GRID1: variants seen among roughly 807,000 people sequenced by gnomAD.
GRID1 encodes the protein glutamate receptor ionotropic, delta-1.
A neutral mutation model predicts 98.0 loss-of-function variants in GRID1; 28 were observed. That is an observed-to-expected ratio of 0.29 (90% confidence interval 0.21 to 0.39). The LOEUF (loss-of-function observed/expected upper bound fraction) is 0.39. Ranked by LOEUF, GRID1 falls within the 10% of genes least tolerant of loss-of-function variation. The pLI is 1.00. For synonymous variants in GRID1, 553 were observed against 538.5 expected (o/e 1.03, Z -0.37); for missense variants, 1,111 against 1,340.5 (o/e 0.83, Z 2.67).
intron 2 of GRID1, among the ~76,000 whole-genome samples, chr10:86,215,954 C>T (rs149823991): frequency 4.7e-4 from 71 of 152,368 alleles, no homozygotes; most frequent in African/African-American, 1.5e-3. Flanking sequence ...CCAACCTTCA[C>T]GTGCCCCATG....
At chr10:85,827,359 C>T (rs780928543) in intron 8 of GRID1, among the ~76,000 whole-genome samples, 1 of 151,892 alleles carries the variant, frequency 6.6e-6, no homozygotes, top group Non-Finnish European at 1.5e-5. Context: ...GCAGAATTGA[C>T]CAAGCTGAGG....
chr10:85,724,807 G>T (rs1841744388), intron 10 of GRID1, 131 bp from the exon 11 acceptor site: 1 of 638,792 alleles, frequency 1.6e-6, no homozygotes, highest in African/African-American at 1.8e-5. Context: ...CTGGCACCCT[G>T]AGAGTCTGAA....
chr10:86,149,169 G>A (rs1036630250), intron 3 of GRID1, among the ~76,000 whole-genome samples: 2 of 152,188 alleles, frequency 1.3e-5, no homozygotes, highest in African/African-American at 4.8e-5. Flanking sequence ...AACTAAAAAG[G>A]TCATCTCTCC....
At chr10:85,672,253 T>A (rs1282513166) in intron 12 of GRID1, among the ~76,000 whole-genome samples, 1 of 152,250 alleles carries the variant, frequency 6.6e-6, no homozygotes, top group Non-Finnish European at 1.5e-5. Context: ...TTGAAACTAA[T>A]GCTCAGCAAC....
At chr10:85,996,856 G>A (rs534837881) in intron 4 of GRID1, among the ~76,000 whole-genome samples, 68 of 147,846 alleles carry the variant, frequency 4.6e-4, no homozygotes, top group Admixed American at 3.6e-3. Flanking sequence ...AAGAAAGAAA[G>A]AAAAGAAAAG....
chr10:86,178,794 G>A (rs766265007), intron 3 of GRID1, among the ~76,000 whole-genome samples: 17 of 152,022 alleles, frequency 1.1e-4, no homozygotes, highest in Admixed American at 2.6e-4. Context: ...TGCTTGATTC[G>A]GAGTGAGACC....
At chr10:86,073,520 G>C (rs1298263038) in intron 4 of GRID1, among the ~76,000 whole-genome samples, 2 of 152,202 alleles carry the variant, frequency 1.3e-5, no homozygotes, top group Non-Finnish European at 2.9e-5. Context: ...CCTGGAAACA[G>C]GGTTTGCTAG....
intron 4 of GRID1, among the ~76,000 whole-genome samples, chr10:86,055,405 G>C (rs1843558859): frequency 6.6e-6 from 1 of 152,108 alleles, no homozygotes; most frequent in African/African-American, 2.4e-5. Flanking sequence ...TGTAGCCTGT[G>C]AGAGATAGTT....
intron 4 of GRID1, among the ~76,000 whole-genome samples, chr10:85,966,083 G>A (rs1416325956): frequency 6.6e-6 from 1 of 152,178 alleles, no homozygotes; most frequent in Non-Finnish European, 1.5e-5. Flanking sequence ...AATTTGACGT[G>A]TTTCCTGGAA....
At chr10:86,143,125 G>A (rs1845033152) in intron 3 of GRID1, among the ~76,000 whole-genome samples, 2 of 152,162 alleles carry the variant, frequency 1.3e-5, no homozygotes, top group Non-Finnish European at 2.9e-5. Context: ...GCTGGCTGAA[G>A]CCAGTGTTCC....
intron 2 of GRID1, among the ~76,000 whole-genome samples, chr10:86,348,220 C>A (rs1304291867): frequency 1.3e-5 from 2 of 152,196 alleles, no homozygotes; most frequent in Non-Finnish European, 2.9e-5. Context: ...GTGCCTAGGC[C>A]TGTACAGGCC....
At chr10:86,074,937 G>A (rs994268276) in intron 4 of GRID1, among the ~76,000 whole-genome samples, 3 of 152,230 alleles carry the variant, frequency 2.0e-5, no homozygotes, top group African/African-American at 7.2e-5. Context: ...ATGAACAAAT[G>A]AAGTGCATAA....
chr10:85,980,205 T>C (rs780239133), intron 4 of GRID1, among the ~76,000 whole-genome samples: 19 of 152,306 alleles, frequency 1.2e-4, no homozygotes, highest in Non-Finnish European at 1.3e-4. Context: ...CTCCCCAGGG[T>C]GGGATTCCCC....
chr10:86,041,813 G>A (rs554158321), intron 4 of GRID1, among the ~76,000 whole-genome samples: 1 of 152,304 alleles, frequency 6.6e-6, no homozygotes, highest in South Asian at 2.1e-4. Context: ...AGGAGCGTGA[G>A]TGTAGAGCTG....
chr10:85,962,639 A>T (rs1842285026), intron 4 of GRID1, among the ~76,000 whole-genome samples: 1 of 152,150 alleles, frequency 6.6e-6, no homozygotes, highest in Admixed American at 6.5e-5. Flanking sequence ...AAGAGAAACC[A>T]TCTTGATCAA....
chr10:86,313,329 T>C (rs903217450), intron 2 of GRID1, among the ~76,000 whole-genome samples: 3 of 152,194 alleles, frequency 2.0e-5, no homozygotes, highest in Non-Finnish European at 1.5e-5. Context: ...ACAACAACCC[T>C]GAGATGTTGA....
intron 4 of GRID1, among the ~76,000 whole-genome samples, chr10:85,945,715 T>C (rs917045346): frequency 1.3e-5 from 2 of 152,238 alleles, no homozygotes; most frequent in Non-Finnish European, 2.9e-5. Context: ...GATAAAATTT[T>C]CATAGTTTTC....
chr10:86,061,409 T>G (rs1298121057), intron 4 of GRID1, among the ~76,000 whole-genome samples: 1 of 152,040 alleles, frequency 6.6e-6, no homozygotes, highest in African/African-American at 2.4e-5. Flanking sequence ...GGACTCCCTT[T>G]CCATTGTGAA....
intron 12 of GRID1, among the ~76,000 whole-genome samples, chr10:85,680,690 A>G (rs1036241894): frequency 6.6e-6 from 1 of 152,234 alleles, no homozygotes; most frequent in African/African-American, 2.4e-5. Flanking sequence ...TGTTTATCAC[A>G]GTACTACTCA....
Sources: gnomAD v4.1 joint callset for allele counts (sites outside exome capture counted in the v4.1 genomes callset) on GRCh38, gnomAD v4.1.1 for gene constraint, MANE v1.5 for transcripts, NCBI Gene and HGNC (gene_info 2026-07-23, HGNC 2026-07-21) for gene names.